The following KCNK1 variants were observed in gnomAD, a reference collection of about 807,000 sequenced individuals.
The protein encoded by KCNK1 is potassium two pore domain channel subfamily K member 1, also known as potassium channel subfamily K member 1.
KCNK1 carries 10 observed loss-of-function variants against 22.2 expected under a neutral mutation model. That is an observed-to-expected ratio of 0.45 (90% CI 0.28 to 0.76). The LOEUF (loss-of-function observed/expected upper bound fraction) is 0.76. Among genes scored for constraint, KCNK1 ranks in the 30% least tolerant of loss-of-function variants. The pLI is 0.14. For synonymous variants in KCNK1, 200 were observed against 186.4 expected (o/e 1.07, Z -0.60); for missense variants, 378 against 421.0 (o/e 0.90, Z 0.89).
chr1:233,623,231 A>C (rs1374691912), intron 1 of KCNK1, among the ~76,000 whole-genome samples: 1 of 151,364 alleles, frequency 6.6e-6, no homozygotes, highest in African/African-American at 2.4e-5. Flanking sequence ...GAAAAAAAAA[A>C]GGTTGGCTTT....
At chr1:233,651,568 G>A (rs372819095) in intron 1 of KCNK1, among the ~76,000 whole-genome samples, 7 of 152,152 alleles carry the variant, frequency 4.6e-5, no homozygotes, top group African/African-American at 1.7e-4. Flanking sequence ...GAAAGTGAGA[G>A]GGGAAAATAT....
chr1:233,667,305 C>T (rs1368928483), intron 2 of KCNK1, among the ~76,000 whole-genome samples: 1 of 152,186 alleles, frequency 6.6e-6, no homozygotes, highest in Non-Finnish European at 1.5e-5. Flanking sequence ...ACCTTCTCAA[C>T]CATTTCATTT....
intron 1 of KCNK1, among the ~76,000 whole-genome samples, chr1:233,621,010 AC>A (rs2102881751): frequency 6.6e-6 from 1 of 152,294 alleles, no homozygotes; most frequent in East Asian, 1.9e-4. Context: ...CAACTTCTCT[AC>A]TTAGGTCCCA....
At chr1:233,662,486 A>T (rs1303742555) in intron 1 of KCNK1, among the ~76,000 whole-genome samples, 3 of 152,178 alleles carry the variant, frequency 2.0e-5, no homozygotes, top group African/African-American at 4.8e-5. Context: ...ACTTGCTCTG[A>T]TGTACTCTAT....
intron 1 of KCNK1, among the ~76,000 whole-genome samples, chr1:233,631,663 A>C (rs1038506120): frequency 6.6e-6 from 1 of 152,114 alleles, no homozygotes; most frequent in Non-Finnish European, 1.5e-5. Context: ...ATTTATTTTT[A>C]AGTGTTTCCA....
intron 1 of KCNK1, among the ~76,000 whole-genome samples, 178 bp from the exon 2 acceptor site, chr1:233,666,417 G>A (rs1332945774): frequency 1.3e-5 from 2 of 152,224 alleles, no homozygotes; most frequent in Admixed American, 1.3e-4. Context: ...GGTGACCACT[G>A]TTGAATTTTA....
intron 1 of KCNK1, among the ~76,000 whole-genome samples, chr1:233,639,944 A>G (rs1359355765): frequency 3.3e-5 from 5 of 152,228 alleles, no homozygotes; most frequent in African/African-American, 1.2e-4. Flanking sequence ...GCATTGGGAC[A>G]TATAGAAAAG....
intron 1 of KCNK1, among the ~76,000 whole-genome samples, chr1:233,662,999 T>C (rs1039255993): frequency 1.2e-4 from 19 of 152,218 alleles, no homozygotes; most frequent in African/African-American, 4.6e-4. Context: ...ATGATCTATC[T>C]GAAGGTTCAA....
intron 1 of KCNK1, among the ~76,000 whole-genome samples, chr1:233,634,333 A>G (rs948246557): frequency 1.4e-5 from 2 of 144,428 alleles, no homozygotes; most frequent in Non-Finnish European, 3.1e-5. Context: ...AAAAAAAAAA[A>G]GAAAAAGAAA....
Position 233,614,114 on chromosome 1 carries a change from C to T in KCNK1, c.-58C>T. ...GCGGGGGCGGCGGGGCCAGAAGAGGCGGCGGGCCGCGCTCCGGCCGGTCTG... is the reference window on the plus strand; with the variant it reads ...GCGGGGGCGGCGGGGCCAGAAGAGGTGGCGGGCCGCGCTCCGGCCGGTCTG... On this transcript the variant is annotated 5_prime_UTR_variant, in exon 1 of 3. Transcript: ENST00000366621. 2 of 1,262,550 alleles carry T rather than the reference C, an allele frequency of 1.6e-6. No homozygotes were observed. Among genetic ancestry groups the T allele is most frequent in the Admixed American group, 3.5e-5 (1 of 28,814 alleles). The allele number at this position is 1,262,550 out of a possible 1,614,324, so 78.2% of individuals were successfully genotyped here.
intron 1 of KCNK1, among the ~76,000 whole-genome samples, chr1:233,623,294 G>T (rs915464172): frequency 1.3e-5 from 2 of 152,150 alleles, no homozygotes; most frequent in East Asian, 1.9e-4. Flanking sequence ...GGTACGGGGA[G>T]GGGGGATGGG....
chr1:233,670,297 A>C (rs533552410), intron 2 of KCNK1, among the ~76,000 whole-genome samples: 4 of 152,324 alleles, frequency 2.6e-5, no homozygotes, highest in African/African-American at 9.6e-5. Flanking sequence ...ACTGAGAGAT[A>C]ATGAAGAGCT....
At chr1:233,622,877 A>G (rs1167101745) in intron 1 of KCNK1, among the ~76,000 whole-genome samples, 1 of 152,178 alleles carries the variant, frequency 6.6e-6, no homozygotes, top group East Asian at 1.9e-4. Flanking sequence ...TTGATCCCAG[A>G]TCAGAGTCTA....
At position 233,614,207 on chromosome 1, in the gene KCNK1, C is replaced by G; in HGVS notation, c.36C>G (p.Arg12=). 4 of 1,609,648 alleles carry G rather than the reference C, an allele frequency of 2.5e-6. No individual in the cohort carries two copies. The highest frequency in any genetic ancestry group is 3.4e-6 in the Non-Finnish European group (4 of 1,179,672). The change falls in exon 1 of 3, where the codon CGC becomes CGG. Residue 12 remains arginine (R), a synonymous_variant. Transcript: ENST00000366621. The part of the protein sequence containing the change: ...LQSLAGSSCV[R]LVERHRSAWC... The stretch of plus-strand genomic sequence containing the variant: ...CCCTGGCCGGCAGCTCGTGCGTGCG[C>G]CTGGTGGAGCGGCACCGCTCGGCCT...
In KCNK1 at chr1:233,640,339, TAAAG is replaced by T. The variant is rs541700960; in HGVS notation, c.355+25817_355+25820del. ...ATTGCCAGGTGGGCAGGTGAAGTAATAAAGAAATAATTGGAATTCTTATTGCTGA... is the reference window on the plus strand; with the variant it reads ...ATTGCCAGGTGGGCAGGTGAAGTAATAAATAATTGGAATTCTTATTGCTGA... On this transcript the variant is annotated intron_variant, in intron 1 of 2. Transcript: ENST00000366621. Among the ~76,000 whole-genome samples the T allele has an allele frequency of 2.9e-3, 446 of 152,272 alleles. 1 individual carries two copies. Among genetic ancestry groups the T allele is most frequent in the Non-Finnish European group, 5.0e-3 (338 of 68,010 alleles).
intron 1 of KCNK1, among the ~76,000 whole-genome samples, chr1:233,622,517 T>C (rs1326309582): frequency 6.6e-6 from 1 of 152,202 alleles, no homozygotes; most frequent in African/African-American, 2.4e-5. Flanking sequence ...CTAGACTCAG[T>C]CTGTACTCTG....
chr1:233,618,963 T>C (rs1657531767), intron 1 of KCNK1, among the ~76,000 whole-genome samples: 1 of 152,192 alleles, frequency 6.6e-6, no homozygotes, highest in Non-Finnish European at 1.5e-5. Flanking sequence ...TTTAGTACCT[T>C]TTGCTGCTTT....
chr1:233,632,963 T>C lies in KCNK1; in HGVS notation c.355+18437T>C, dbSNP rs60991468. Among the ~76,000 whole-genome samples the C allele has an allele frequency of 0.019, 2,822 of 152,076 alleles. 126 individuals carry two copies. In the East Asian group the frequency reaches 0.2, roughly 11 times the overall value. On this transcript the variant is annotated intron_variant, in intron 1 of 2. Transcript: ENST00000366621. ...ATTCTCAGAAATGTTTTGAAACCTG[T>C]TTTCTCAGTGTCTTGTGTCTGCCTG...
At position 233,672,367 on chromosome 1, in the gene KCNK1, T is replaced by G. The variant is rs1658616813; in HGVS notation, c.*837T>G. Reference sequence around the variant, plus strand: ...GATTTATTAAAAGGTTAAGATACTTTGTTTTGAAAGTACATTGTGATTTGC... The same window carrying G: ...GATTTATTAAAAGGTTAAGATACTTGGTTTTGAAAGTACATTGTGATTTGC... On this transcript the variant is annotated 3_prime_UTR_variant, in exon 3 of 3. Coordinates refer to ENST00000366621, the MANE Select transcript of KCNK1 (RefSeq NM_002245.4). 6.6e-6 allele frequency: 1 copy of G among 151,944 alleles called. No homozygotes were observed. Among genetic ancestry groups the G allele is most frequent in the South Asian group, 2.1e-4 (1 of 4,828 alleles). 9.4% of individuals were successfully genotyped at this position (151,944 alleles called of 1,614,324 possible).
Sources: allele counts gnomAD v4.1 joint callset (sites outside exome capture counted in the v4.1 genomes callset), GRCh38; gene constraint gnomAD v4.1.1; transcripts MANE v1.5; gene names NCBI Gene and HGNC (gene_info 2026-07-23, HGNC 2026-07-21).